The following MTMR1 variants were observed in gnomAD, a reference collection of about 807,000 sequenced individuals.
The protein encoded by MTMR1 is myotubularin related protein 1, also known as phosphatidylinositol-3-phosphate phosphatase MTMR1.
In MTMR1, 17 loss-of-function variants were observed where a neutral mutation model predicts 51.6. The observed-to-expected ratio is 0.33, with a 90% CI of 0.23 to 0.49. The LOEUF is 0.49. MTMR1 is among the 20% of genes least tolerant of loss of function. MTMR1 has a pLI of 0.99. For synonymous variants in MTMR1, 201 were observed against 205.6 expected (o/e 0.98, Z 0.19); for missense variants, 386 against 526.9 (o/e 0.73, Z 2.62).
At chrX:150,721,366 T>G (rs782764431) in intron 4 of MTMR1, among the ~76,000 whole-genome samples, 4 of 112,081 alleles carry the variant, frequency 3.6e-5, no homozygotes, top group Non-Finnish European at 7.5e-5. Flanking sequence ...TATTTCTTAC[T>G]TAAATATCTG....
At chrX:150,717,378 A>C (rs2041571304) in intron 3 of MTMR1, among the ~76,000 whole-genome samples, 1 of 107,695 alleles carries the variant, frequency 9.3e-6, no homozygotes, top group East Asian at 2.9e-4. Flanking sequence ...AAAAAAAAAA[A>C]AAAAGGAGAA....
rs2148533114 is a variant in MTMR1, at chrX:150,693,616, C to G, written c.86C>G (p.Pro29Arg). The G allele has an allele frequency of 1.3e-6, 1 of 758,024 alleles. No homozygotes were observed. The allele number at this position is 758,024 out of a possible 1,213,427, so 62.5% of individuals were successfully genotyped here. A position where few individuals can be genotyped will look rare whatever the true frequency, so the allele number is the denominator to read the frequency against. ...NPGPAGGRRP[P>R]RAAGGATAGS... ...GGGCCGGCGGGCGGCAGGAGGCCTC[C>G]TCGGGCCGCGGGGGGCGCCACCGCC... The change falls in exon 1 of 16, where the codon CCT becomes CGT. Residue 29 changes from proline (P) to arginine (R), a missense_variant. Coordinates refer to ENST00000445323, the MANE Select transcript of MTMR1 (RefSeq NM_001306144.3).
chrX:150,693,425 G>A lies in MTMR1; in HGVS notation c.-106G>A, dbSNP rs1385172271. ...GCTAATGGCGGCGGCCGCCTGAGGC[G>A]GGCGGGCGGTATAGAGCGGGCGGCA... is the stretch of plus-strand genomic sequence containing the variant. On this transcript the variant is annotated 5_prime_UTR_variant, in exon 1 of 16. Transcript: ENST00000445323. 1.1e-5 allele frequency: 8 copies of A among 746,874 alleles called. No homozygotes were observed. In the East Asian group the frequency reaches 4.6e-4, roughly 43 times the overall value. 61.6% of individuals were successfully genotyped at this position (746,874 alleles called of 1,213,427 possible).
At chrX:150,726,789 C>A (rs2041953707) in intron 4 of MTMR1, among the ~76,000 whole-genome samples, 1 of 112,102 alleles carries the variant, frequency 8.9e-6, no homozygotes, top group African/African-American at 3.2e-5. Context: ...GTTTTGTCTT[C>A]TGTAAAAAGA....
At chrX:150,733,489 A>G (rs1419829896) in intron 10 of MTMR1, among the ~76,000 whole-genome samples, 1 of 110,137 alleles carries the variant, frequency 9.1e-6, no homozygotes, top group African/African-American at 3.3e-5. Flanking sequence ...ATCCCATTGT[A>G]TGGTTGACAT....
At chrX:150,724,536 A>C (rs1489096683) in intron 4 of MTMR1, among the ~76,000 whole-genome samples, 1 of 111,479 alleles carries the variant, frequency 9.0e-6, no homozygotes, top group Non-Finnish European at 1.9e-5. Flanking sequence ...CCCATTCTGT[A>C]GGCTGTTTAC....
rs183985002 is a variant in MTMR1 at position 150,745,394 on chromosome X, G to A, written c.1566+941G>A. 5.3e-3 allele frequency among the ~76,000 whole-genome samples: 597 copies of A among 111,852 alleles called. 1 individual carries two copies. Among genetic ancestry groups the A allele is most frequent in the Non-Finnish European group, 9.0e-3 (480 of 53,060 alleles). On this transcript the variant is annotated intron_variant, in intron 13 of 15. Transcript: ENST00000445323. Reference sequence around the variant, plus strand: ...GGGGAAGGGAAGCAGCCAGGACACTGCCGGTGATCTGCGGGGATGCTACCA... The same window carrying A: ...GGGGAAGGGAAGCAGCCAGGACACTACCGGTGATCTGCGGGGATGCTACCA...
Position 150,712,362 on chromosome X carries a change from A to C in MTMR1, c.273A>C (p.Leu91=). ...RDYKVFRRPD[L]RALRDGNKLA... is the part of the protein sequence containing the mutation. ...AACAGGTTTTCAGGAGGCCTGATCT[A>C]AGGGTAAGGATATTTGGCTTTCAGC... Residue 91 remains leucine (L), a synonymous_variant, in exon 3 of 16, where the codon CTA becomes CTC. Transcript: ENST00000445323. The C allele has an allele frequency of 8.6e-7, 1 of 1,164,806 alleles. No individual in the cohort carries two copies. The highest frequency in any genetic ancestry group is 1.1e-6 in the Non-Finnish European group (1 of 871,480).
At chrX:150,693,829 C>A (rs1453229696) in intron 1 of MTMR1, among the ~76,000 whole-genome samples, 153 bp downstream of exon 1, 2 of 110,467 alleles carry the variant, frequency 1.8e-5, no homozygotes, top group Non-Finnish European at 3.8e-5. Context: ...TCCTCCCCCC[C>A]ACCCCCGGAA....
At chrX:150,745,990 C>G (rs1396693304) in intron 13 of MTMR1, among the ~76,000 whole-genome samples, 1 of 112,167 alleles carries the variant, frequency 8.9e-6, no homozygotes, top group African/African-American at 3.2e-5. Flanking sequence ...AATGAGCACA[C>G]AAGTCCCCTG....
intron 12 of MTMR1, among the ~76,000 whole-genome samples, chrX:150,743,438 AT>A (rs1426921076): frequency 4.5e-5 from 5 of 112,236 alleles, no homozygotes; most frequent in African/African-American, 1.6e-4. Context: ...CAAGTGATAA[AT>A]TATATGTCAT....
At chrX:150,755,614 C>T (rs2042882381) in intron 14 of MTMR1, 75 bp from the exon 15 acceptor site, 1 of 802,642 alleles carries the variant, frequency 1.2e-6, no homozygotes, top group Non-Finnish European at 1.7e-6. Flanking sequence ...TTATTCAAGT[C>T]CTTTTCTCGG....
At chrX:150,719,402 C>T (rs1557416518) in intron 4 of MTMR1, among the ~76,000 whole-genome samples, 1 of 111,926 alleles carries the variant, frequency 8.9e-6, no homozygotes, top group Non-Finnish European at 1.9e-5. Flanking sequence ...AGTAGCGGGG[C>T]TCTCCCACCA....
intron 3 of MTMR1, among the ~76,000 whole-genome samples, chrX:150,717,352 C>A: frequency 2.5e-5 from 1 of 39,265 alleles, no homozygotes; most frequent in South Asian, 1.7e-3. Context: ...AGCGAGACTC[C>A]ATCTCAAAAA....
chrX:150,698,676 GCGCGCACA>G (rs1459259408), intron 1 of MTMR1, among the ~76,000 whole-genome samples: 8 of 53,086 alleles, frequency 1.5e-4, no homozygotes, highest in African/African-American at 5.3e-4. Context: ...GTCTACACGC[GCGCGCACA>G]CACACACACA....
intron 4 of MTMR1, among the ~76,000 whole-genome samples, chrX:150,723,529 T>C (rs1001863637): frequency 5.4e-5 from 6 of 111,014 alleles, no homozygotes; most frequent in African/African-American, 2.0e-4. Context: ...GTTTCCTGAC[T>C]TTTTAATGAT....
At chrX:150,695,523 T>C (rs782082521) in intron 1 of MTMR1, among the ~76,000 whole-genome samples, 34 of 111,548 alleles carry the variant, frequency 3.0e-4, no homozygotes, top group African/African-American at 1.1e-3. Flanking sequence ...TTGCTGAAGA[T>C]TGGTTGGTTG....
At chrX:150,735,336 G>A (rs2042234064) in intron 10 of MTMR1, 1 of 338,833 alleles carries the variant, frequency 3.0e-6, no homozygotes, top group African/African-American at 2.7e-5. Flanking sequence ...ACCCGTTCAT[G>A]GTATGTGATC....
Position 150,764,627 on chromosome X carries a change from G to GCA in MTMR1, c.*1900_*1901dup, listed in dbSNP as rs2148694830. The stretch of plus-strand genomic sequence containing the variant: ...AGCTGGTGCCTGGAGTGGGCCCTGT[G>GCA]CACCTCACCTGGCGGAGGCTGGGGG... On this transcript the variant is annotated 3_prime_UTR_variant, in exon 16 of 16. Transcript: ENST00000445323. 1 of 67,554 alleles carries GCA rather than the reference G, an allele frequency of 1.5e-5. No individual in the cohort carries two copies. The highest frequency in any genetic ancestry group is 5.4e-4 in the East Asian group (1 of 1,861). The allele number at this position is 67,554 out of a possible 1,213,427, so 5.6% of individuals were successfully genotyped here.
Sources: allele counts gnomAD v4.1 joint callset (sites outside exome capture counted in the v4.1 genomes callset), GRCh38; gene constraint gnomAD v4.1.1; transcripts MANE v1.5; gene names NCBI Gene and HGNC (gene_info 2026-07-23, HGNC 2026-07-21).